MCM8: variants seen among roughly 807,000 people sequenced by gnomAD.
MCM8 encodes DNA helicase MCM8.
In MCM8, 85 loss-of-function variants were observed where a neutral mutation model predicts 98.9. That is an observed-to-expected ratio of 0.86 (90% CI 0.72 to 1.03). The LOEUF (loss-of-function observed/expected upper bound fraction) is 1.03. Among genes scored for constraint, MCM8 ranks in the 50% least tolerant of loss-of-function variants. The pLI, the probability that MCM8 is intolerant of heterozygous loss-of-function variation, is 0.00. For synonymous variants in MCM8, 352 were observed against 338.6 expected (o/e 1.04, Z -0.44); for missense variants, 951 against 997.8 (o/e 0.95, Z 0.63).
chr20:5,969,012 G>A (rs2089341425), intron 10 of MCM8, among the ~76,000 whole-genome samples: 1 of 152,170 alleles, frequency 6.6e-6, no homozygotes, highest in African/African-American at 2.4e-5. Flanking sequence ...CTCCTGCTTT[G>A]GGCATTTACT....
At chr20:5,951,812 T>C (rs2088832911) in intron 1 of MCM8, among the ~76,000 whole-genome samples, 199 bp from the exon 2 acceptor site, 1 of 152,246 alleles carries the variant, frequency 6.6e-6, no homozygotes, top group South Asian at 2.1e-4. Context: ...ACTATTATGG[T>C]ATACCTTAAA....
Position 5,994,290 on chromosome 20 carries a change from T to C in MCM8, c.2431-9T>C. The C allele has an allele frequency of 6.4e-7, 1 of 1,571,858 alleles. No homozygotes were observed. On this transcript the variant is annotated splice_polypyrimidine_tract_variant and intron_variant, in intron 18 of 18. Coordinates refer to ENST00000610722, the MANE Select transcript of MCM8 (RefSeq NM_032485.6). Reference sequence around the variant, plus strand: ...TTAATGGGCTAAACCTTTTGATGTTTTCTTCCAGGTTGCTGATTTTGAAAA... The same window carrying C: ...TTAATGGGCTAAACCTTTTGATGTTCTCTTCCAGGTTGCTGATTTTGAAAA...
At position 5,987,263 on chromosome 20, in the gene MCM8, ATGG is replaced by A. The variant is rs1230489564; in HGVS notation, c.2164-16_2164-14del. The A allele has an allele frequency of 6.2e-7, 1 of 1,606,270 alleles. No individual in the cohort carries two copies. Among genetic ancestry groups the A allele is most frequent in the Non-Finnish European group, 8.5e-7 (1 of 1,175,894 alleles). ...TATATTCATCTTTCGTCATCTGAAA[ATGG>A]TGTTTTCTTTTAAAGGCACGAGCAA... On this transcript the variant is annotated splice_polypyrimidine_tract_variant and intron_variant, in intron 16 of 18. Transcript: ENST00000610722.
rs1417509200 is a variant in MCM8 at position 5,998,223 on chromosome 20, T to G, written c.*3832T>G. 1.3e-5 allele frequency: 2 copies of G among 152,226 alleles called. No homozygotes were observed. The highest frequency in any genetic ancestry group is 4.8e-5 in the African/African-American group (2 of 41,458). 9.4% of individuals were successfully genotyped at this position (152,226 alleles called of 1,614,324 possible). ...TGATACGGTGATTTGGTATTCAGTGTCCATTCTGCTCTCCTAGTGTGCCTT... is the reference window on the plus strand; with the variant it reads ...TGATACGGTGATTTGGTATTCAGTGGCCATTCTGCTCTCCTAGTGTGCCTT... On this transcript the variant is annotated 3_prime_UTR_variant, in exon 19 of 19. Coordinates refer to ENST00000610722, the MANE Select transcript of MCM8 (RefSeq NM_032485.6).
rs150859745 is a variant in MCM8, at chr20:5,983,653, T to C, written c.1733+488T>C. ...AGGTGGAGGTTGCAGTGAGCCGAGA[T>C]TGTGCCACCACACTCCAGCCTGGGT... On this transcript the variant is annotated intron_variant, in intron 14 of 18. Transcript: ENST00000610722. Among the ~76,000 whole-genome samples the C allele has an allele frequency of 6.3e-3, 962 of 152,156 alleles. 4 individuals are homozygous for C. Among genetic ancestry groups the C allele is most frequent in the Non-Finnish European group, 0.011 (743 of 67,982 alleles).
Position 5,995,569 on chromosome 20 carries a change from T to C in MCM8, c.*1178T>C, listed in dbSNP as rs1221347487. On this transcript the variant is annotated 3_prime_UTR_variant, in exon 19 of 19. Coordinates refer to ENST00000610722, the MANE Select transcript of MCM8 (RefSeq NM_032485.6). ...TTCTGCATGAGATGCCTCCCTAAAT[T>C]GCTGAATTCAAAAAAGAAGTTGCAT... 6.6e-6 allele frequency: 1 copy of C among 152,110 alleles called. No homozygotes were observed. The highest frequency in any genetic ancestry group is 1.5e-5 in the Non-Finnish European group (1 of 68,030). The allele number at this position is 152,110 out of a possible 1,614,324, so 9.4% of individuals were successfully genotyped here.
intron 7 of MCM8, among the ~76,000 whole-genome samples, chr20:5,962,029 G>A (rs1419355791): frequency 6.6e-6 from 1 of 152,204 alleles, no homozygotes; most frequent in Admixed American, 6.5e-5. Flanking sequence ...GCTAGTTCTG[G>A]CTCCAGGCCT....
intron 17 of MCM8, among the ~76,000 whole-genome samples, 181 bp downstream of exon 17, chr20:5,987,539 T>A (rs952827226): frequency 3.3e-5 from 5 of 152,170 alleles, no homozygotes; most frequent in Admixed American, 2.6e-4. Flanking sequence ...ACATTAGAAA[T>A]TTTTTTGAAT....
intron 11 of MCM8, chr20:5,972,449 C>T (rs1234138255): frequency 1.2e-5 from 3 of 253,086 alleles, no homozygotes; most frequent in Admixed American, 1.0e-4. Flanking sequence ...CTCAAGTGAT[C>T]CACCCAATTT....
In MCM8 at chr20:5,996,058, A is replaced by G. The variant is rs2089952826; in HGVS notation, c.*1667A>G. ...AGCTTTGGGAGTTCGAGGCAGGAGGATCACTTGAAGCCAGTTTTGAGACCA... is the reference window on the plus strand; with the variant it reads ...AGCTTTGGGAGTTCGAGGCAGGAGGGTCACTTGAAGCCAGTTTTGAGACCA... On this transcript the variant is annotated 3_prime_UTR_variant, in exon 19 of 19. Transcript: ENST00000610722. The G allele has an allele frequency of 6.6e-6, 1 of 152,214 alleles. No homozygotes were observed. Among genetic ancestry groups the G allele is most frequent in the South Asian group, 2.1e-4 (1 of 4,826 alleles). The allele number at this position is 152,214 out of a possible 1,614,324, so 9.4% of individuals were successfully genotyped here. A position where few individuals can be genotyped will look rare whatever the true frequency, so the allele number is the denominator to read the frequency against.
intron 14 of MCM8, 120 bp downstream of exon 14, chr20:5,983,285 G>A (rs2089666798): frequency 2.3e-6 from 2 of 870,836 alleles, no homozygotes; most frequent in East Asian, 2.8e-5. Context: ...AGTTATAAAT[G>A]TCCAATAAAT....
Position 5,972,936 on chromosome 20 carries a change from T to G in MCM8, c.1255-120T>G, listed in dbSNP as rs1291911033. 2.9e-6 allele frequency: 4 copies of G among 1,368,848 alleles called. No individual in the cohort carries two copies. The African/African-American group carries it at 4.4e-5, about 15-fold the overall frequency. 84.8% of individuals were successfully genotyped at this position (1,368,848 alleles called of 1,614,324 possible). A position where few individuals can be genotyped will look rare whatever the true frequency, so the allele number is the denominator to read the frequency against. On this transcript the variant is annotated intron_variant, in intron 11 of 18. Coordinates refer to ENST00000610722, the MANE Select transcript of MCM8 (RefSeq NM_032485.6). ...TAGACTTCCTTTTCTTAGAAAAAAA[T>G]TATCATGCTTTTAAAACAATCCCCA...
intron 7 of MCM8, among the ~76,000 whole-genome samples, chr20:5,962,387 A>T (rs1176046805): frequency 1.3e-3 from 5 of 3,786 alleles, no homozygotes; most frequent in Non-Finnish European, 1.1e-3. Flanking sequence ...TTTTTTTTTG[A>T]GACGGAGTCT....
intron 13 of MCM8, among the ~76,000 whole-genome samples, chr20:5,980,508 G>T (rs932341976): frequency 2.0e-5 from 3 of 152,160 alleles, no homozygotes; most frequent in African/African-American, 7.2e-5. Context: ...GAATATCTTT[G>T]CTAAGTTACC....
chr20:5,995,987 G>T lies in MCM8; in HGVS notation c.*1596G>T, dbSNP rs533390999. 1 of 152,352 alleles carries T rather than the reference G, an allele frequency of 6.6e-6. No homozygotes were observed. The highest frequency in any genetic ancestry group is 2.4e-5 in the African/African-American group (1 of 41,570). The allele number at this position is 152,352 out of a possible 1,614,324, so 9.4% of individuals were successfully genotyped here. A position where few individuals can be genotyped will look rare whatever the true frequency, so the allele number is the denominator to read the frequency against. On this transcript the variant is annotated 3_prime_UTR_variant, in exon 19 of 19. Coordinates refer to ENST00000610722, the MANE Select transcript of MCM8 (RefSeq NM_032485.6). ...TTTTTAAGTGAGGAAGGAAAAATCA[G>T]GAATCAAAAGGGGCCAGGTGCAGTG...
chr20:5,975,884 A>G (rs901108996), intron 12 of MCM8, among the ~76,000 whole-genome samples: 9 of 151,942 alleles, frequency 5.9e-5, no homozygotes, highest in Non-Finnish European at 7.4e-5. Flanking sequence ...AAGAAGTTAC[A>G]TTGGCAGTTT....
chr20:5,977,883 G>A lies in MCM8; in HGVS notation c.1403G>A (p.Cys468Tyr), dbSNP rs2089546270. 1 of 1,614,086 alleles carries A rather than the reference G, an allele frequency of 6.2e-7. No homozygotes were observed. The highest frequency in any genetic ancestry group is 1.3e-5 in the African/African-American group (1 of 75,060). Residue 468 changes from cysteine to tyrosine, a missense_variant, in exon 13 of 19, where the codon TGC becomes TAC. Cys to Tyr is a radical substitution (Grantham distance 194). Transcript: ENST00000610722. The part of the protein sequence containing the change: ...LGKSQMLQAA[C>Y]NVAPRGVYVC... Reference sequence around the variant, plus strand: ...AACTTTTTGTTTCCTTAGGCAGCGTGCAATGTTGCCCCACGTGGCGTGTAT... The same window carrying A: ...AACTTTTTGTTTCCTTAGGCAGCGTACAATGTTGCCCCACGTGGCGTGTAT...
intron 3 of MCM8, 113 bp from the exon 4 acceptor site, chr20:5,954,495 C>G: frequency 3.9e-6 from 2 of 518,996 alleles, no homozygotes. Context: ...AATCAAAATA[C>G]AAAGCAATTA....
At chr20:5,977,299 T>G (rs2089531571) in intron 12 of MCM8, among the ~76,000 whole-genome samples, 1 of 152,174 alleles carries the variant, frequency 6.6e-6, no homozygotes. Flanking sequence ...GGCAATGCTG[T>G]GATAAAACAT....
Sources: allele counts gnomAD v4.1 joint callset (sites outside exome capture counted in the v4.1 genomes callset), GRCh38; gene constraint gnomAD v4.1.1; transcripts MANE v1.5; gene names NCBI Gene and HGNC (gene_info 2026-07-23, HGNC 2026-07-21).